Variants in BCL11A observed in about 807,000 individuals in gnomAD.
BCL11A encodes the protein B cell CLL/lymphoma 11A.
BCL11A carries 2 observed loss-of-function variants against 55.9 expected under a neutral mutation model. The observed-to-expected ratio is 0.04, with a 90% CI of 0.01 to 0.11. The LOEUF is 0.11. Among genes scored for constraint, BCL11A ranks in the 10% least tolerant of loss-of-function variants. The probability of loss-of-function intolerance (pLI) is 1.00; values close to 1 mark genes in which losing one functional copy is unlikely to be tolerated. For synonymous variants in BCL11A, 465 were observed against 473.4 expected (o/e 0.98, Z 0.23); for missense variants, 817 against 1,137.1 (o/e 0.72, Z 4.05).
intron 2 of BCL11A, among the ~76,000 whole-genome samples, chr2:60,512,661 A>G (rs975416341): frequency 6.6e-6 from 1 of 152,078 alleles, no homozygotes; most frequent in Non-Finnish European, 1.5e-5. Flanking sequence ...GCCCCCAGCA[A>G]CTCCATTTTG....
intron 2 of BCL11A, among the ~76,000 whole-genome samples, chr2:60,483,253 C>A (rs1266559298): frequency 6.6e-6 from 1 of 152,176 alleles, no homozygotes; most frequent in East Asian, 1.9e-4. Flanking sequence ...TAATATATAT[C>A]CCGTGGTAGA....
In BCL11A at chr2:60,468,772, G is replaced by A. The variant is rs1677034171; in HGVS notation, c.447C>T (p.Pro149=). 1 of 1,610,642 alleles carries A rather than the reference G, an allele frequency of 6.2e-7. No homozygotes were observed. Among genetic ancestry groups the A allele is most frequent in the East Asian group, 2.2e-5 (1 of 44,800 alleles). Residue 149 remains proline (P), a synonymous_variant, in exon 3 of 4, where the codon CCC becomes CCT. Transcript: ENST00000642384. ...CATATTCTGCACTCATCCCAGGCGTGGGGATTAGAGCTCCATGTGCAGAAC... is the reference window on the plus strand; with the variant it reads ...CATATTCTGCACTCATCCCAGGCGTAGGGATTAGAGCTCCATGTGCAGAAC... ...SPRSAHGALI[P]TPGMSAEYAP...
chr2:60,507,760 G>C (rs1679727853), intron 2 of BCL11A, among the ~76,000 whole-genome samples: 1 of 152,080 alleles, frequency 6.6e-6, no homozygotes, highest in Non-Finnish European at 1.5e-5. Flanking sequence ...AAAGCGGGTG[G>C]GGTGGGGGGC....
At position 60,458,787 on chromosome 2, in the gene BCL11A, G is replaced by C. The variant is rs1372000070; in HGVS notation, c.*1617C>G. 6 of 1,030,460 alleles carry C rather than the reference G, an allele frequency of 5.8e-6. No homozygotes were observed. The highest frequency in any genetic ancestry group is 5.7e-5 in the Admixed American group (1 of 17,534). 63.8% of individuals were successfully genotyped at this position (1,030,460 alleles called of 1,614,324 possible). A position where few individuals can be genotyped will look rare whatever the true frequency, so the allele number is the denominator to read the frequency against. ...CCTCTGTATCTCTGATTAGAGAAAAGATACAGATATCACAGGCAGAGTCAA... is the reference window on the plus strand; with the variant it reads ...CCTCTGTATCTCTGATTAGAGAAAACATACAGATATCACAGGCAGAGTCAA... On this transcript the variant is annotated 3_prime_UTR_variant, in exon 4 of 4. Transcript: ENST00000642384.
intron 2 of BCL11A, among the ~76,000 whole-genome samples, chr2:60,521,105 A>T (rs2420140): frequency 4.5e-4 from 29 of 64,538 alleles, no homozygotes; most frequent in Admixed American, 8.2e-4. Flanking sequence ...ACACACTCAC[A>T]CACACACACA....
intron 3 of BCL11A, among the ~76,000 whole-genome samples, chr2:60,465,949 C>T (rs1485903678): frequency 6.6e-6 from 1 of 152,184 alleles, no homozygotes; most frequent in East Asian, 1.9e-4. Flanking sequence ...GACTGGCACA[C>T]AGCAGAGTGG....
chr2:60,467,891 G>C (rs1349963279), intron 3 of BCL11A, among the ~76,000 whole-genome samples: 1 of 109,102 alleles, frequency 9.2e-6, no homozygotes, highest in Non-Finnish European at 2.0e-5. Flanking sequence ...GGTGGTGGTA[G>C]TGATGGTGGT....
chr2:60,477,600 T>TAAAGAAAGAAAGAAAGAAAGAAAG (rs10631738), intron 2 of BCL11A, among the ~76,000 whole-genome samples: 54 of 150,666 alleles, frequency 3.6e-4, no homozygotes, highest in East Asian at 1.2e-3. Flanking sequence ...TAGAGTAAAA[T>TAAAGAAAGAAAGAAAGAAAGAAAG]AAATAAAGAA....
chr2:60,553,298 C>A lies in BCL11A; in HGVS notation c.-28G>T. ...TGGGCTGCGGGGCGGGCGGCGGCGG[C>A]GGCGGCGGCGGCGGCGGGCGGACGA... On this transcript the variant is annotated 5_prime_UTR_variant, in exon 1 of 4. Coordinates refer to ENST00000642384, the MANE Select transcript of BCL11A (RefSeq NM_022893.4). 6.5e-7 allele frequency: 1 copy of A among 1,529,598 alleles called. No individual in the cohort carries two copies. The allele number at this position is 1,529,598 out of a possible 1,614,324, so 94.8% of individuals were successfully genotyped here.
At chr2:60,452,699 A>G (rs919060514), downstream of BCL11A, 1 of 1,539,538 alleles carries the variant, frequency 6.5e-7, no homozygotes, top group African/African-American at 1.4e-5. Flanking sequence ...GGAGGGGGAA[A>G]AAAAAAGTAC....
At chr2:60,477,578 T>A (rs1288950732) in intron 2 of BCL11A, among the ~76,000 whole-genome samples, 2 of 147,752 alleles carry the variant, frequency 1.4e-5, no homozygotes, top group Non-Finnish European at 3.0e-5. Flanking sequence ...TCTGCACATG[T>A]ATCCCAGAAC....
intron 2 of BCL11A, among the ~76,000 whole-genome samples, chr2:60,514,374 T>C (rs537352077): frequency 6.6e-6 from 1 of 151,704 alleles, no homozygotes; most frequent in South Asian, 2.1e-4. Context: ...TAGAATTAAA[T>C]AGCCAGGTGC....
downstream of BCL11A, among the ~76,000 whole-genome samples, chr2:60,456,563 CTA>C (rs1049617534): frequency 1.3e-5 from 2 of 152,176 alleles, no homozygotes; most frequent in East Asian, 1.9e-4. Context: ...AAAGATTTCA[CTA>C]TGTCTGGCTA....
chr2:60,459,695 C>T lies in BCL11A; in HGVS notation c.*709G>A. On this transcript the variant is annotated 3_prime_UTR_variant, in exon 4 of 4. Transcript: ENST00000642384. ...ATCCAAGGCACTCATATTTTAAAACCAAATGATAGAATAAACTTGTTCTGT... is the reference window on the plus strand; with the variant it reads ...ATCCAAGGCACTCATATTTTAAAACTAAATGATAGAATAAACTTGTTCTGT... 9.7e-7 allele frequency: 1 copy of T among 1,035,762 alleles called. No individual in the cohort carries two copies. The highest frequency in any genetic ancestry group is 1.2e-6 in the Non-Finnish European group (1 of 860,320). 64.2% of individuals were successfully genotyped at this position (1,035,762 alleles called of 1,614,324 possible). A position where few individuals can be genotyped will look rare whatever the true frequency, so the allele number is the denominator to read the frequency against.
At chr2:60,468,370 T>C (rs1304158027) in intron 3 of BCL11A, among the ~76,000 whole-genome samples, 1 of 152,184 alleles carries the variant, frequency 6.6e-6, no homozygotes, top group Non-Finnish European at 1.5e-5. Flanking sequence ...ATGTGTGCCA[T>C]GGACTATACC....
At chr2:60,452,508 T>A (rs574445071), downstream of BCL11A, 10 of 1,305,748 alleles carry the variant, frequency 7.7e-6, no homozygotes, top group East Asian at 2.1e-4. Flanking sequence ...ACTAGCAGGA[T>A]GACAGACCAC....
chr2:60,456,610 TCTCTTTTTTTCTCC>T (rs1365265212), downstream of BCL11A, among the ~76,000 whole-genome samples: 2 of 152,180 alleles, frequency 1.3e-5, no homozygotes, highest in East Asian at 3.8e-4. Context: ...CTTTCGTCTC[TCTCTTTTTTTCTCC>T]CTCTTTTTTA....
intron 2 of BCL11A, chr2:60,544,625 C>A (rs1049091209): frequency 6.6e-6 from 1 of 152,154 alleles, no homozygotes; most frequent in Admixed American, 6.5e-5. Flanking sequence ...GACATTTAAT[C>A]CCCTCTAGAC....
intron 2 of BCL11A, among the ~76,000 whole-genome samples, chr2:60,473,848 C>CT (rs1188800637): frequency 6.6e-6 from 1 of 152,214 alleles, no homozygotes; most frequent in Non-Finnish European, 1.5e-5. Flanking sequence ...ATCGCACTCT[C>CT]TTTTGTTCTA....
Sources: allele counts gnomAD v4.1 joint callset (sites outside exome capture counted in the v4.1 genomes callset), GRCh38; gene constraint gnomAD v4.1.1; transcripts MANE v1.5; gene names NCBI Gene and HGNC (gene_info 2026-07-23, HGNC 2026-07-21).